The following ARHGAP40 variants were observed in gnomAD, a reference collection of about 807,000 sequenced individuals.
ARHGAP40 encodes Rho GTPase activating protein 40.
In ARHGAP40, 43 loss-of-function variants were observed where a neutral mutation model predicts 73.5. The ratio of observed to expected loss-of-function variants is 0.58; its 90% CI spans 0.46 to 0.75. The LOEUF is 0.75. Among genes scored for constraint, ARHGAP40 ranks in the 30% least tolerant of loss-of-function variants. ARHGAP40 has a pLI of 0.00. For missense variants in ARHGAP40, 734 were observed against 861.8 expected (o/e 0.85, Z 1.86); for synonymous variants, 300 against 352.8 (o/e 0.85, Z 1.68).
chr20:38,615,606 C>T (rs2088831965), intron 1 of ARHGAP40: 1 of 464,710 alleles, frequency 2.2e-6, no homozygotes, highest in Non-Finnish European at 3.9e-6. Flanking sequence ...CAATTTCTAT[C>T]CTTTATTGAT....
chr20:38,645,948 G>T (rs2089049373), intron 11 of ARHGAP40, 99 bp from the exon 12 acceptor site: 3 of 1,090,760 alleles, frequency 2.8e-6, no homozygotes, highest in African/African-American at 1.7e-5. Flanking sequence ...CCTGTGGGAC[G>T]CTGGGCCAGG....
intron 10 of ARHGAP40, 62 bp downstream of exon 10, chr20:38,641,870 T>C: frequency 8.8e-7 from 1 of 1,139,520 alleles, no homozygotes; most frequent in African/African-American, 1.7e-5. Flanking sequence ...AGCCATGGCT[T>C]CAAATGTGCT....
intron 11 of ARHGAP40, 98 bp downstream of exon 11, chr20:38,644,008 T>C: frequency 9.0e-7 from 1 of 1,112,258 alleles, no homozygotes; most frequent in Non-Finnish European, 1.2e-6. Flanking sequence ...TTCCCTAGTG[T>C]GTCCCTTCCA....
intron 1 of ARHGAP40, among the ~76,000 whole-genome samples, chr20:38,618,925 T>C (rs1323859248): frequency 6.6e-6 from 1 of 152,184 alleles, no homozygotes; most frequent in Non-Finnish European, 1.5e-5. Flanking sequence ...GGGAGGACTG[T>C]AAAAGAATTT....
intron 5 of ARHGAP40, among the ~76,000 whole-genome samples, chr20:38,630,163 C>A (rs2088929986): frequency 7.0e-6 from 1 of 142,328 alleles, no homozygotes; most frequent in Non-Finnish European, 1.5e-5. Context: ...CCCTCCCTCC[C>A]TTCCTTCCTT....
At chr20:38,609,828 A>T (rs939799246) in intron 1 of ARHGAP40, among the ~76,000 whole-genome samples, 7 of 152,232 alleles carry the variant, frequency 4.6e-5, no homozygotes, top group African/African-American at 1.7e-4. Context: ...CAGAGGAGAG[A>T]TGGGATTGCA....
chr20:38,628,656 T>C (rs746203439), intron 3 of ARHGAP40, among the ~76,000 whole-genome samples: 3 of 152,210 alleles, frequency 2.0e-5, no homozygotes, highest in African/African-American at 7.2e-5. Context: ...ACTTGAAGCC[T>C]GATAGGTTGT....
At position 38,642,608 on chromosome 20, in the gene ARHGAP40, T is replaced by TCCTC. The variant is rs368402526; in HGVS notation, c.1362+814_1362+817dup. ...TCCCTCCCTCTCTCCCTTCCTTTCT[T>TCCTC]CCTCCCTCCCTCCCTCCTTCCCTCC... On this transcript the variant is annotated intron_variant, in intron 10 of 14. Coordinates refer to ENST00000373345, the Ensembl canonical transcript of ARHGAP40. Among the ~76,000 whole-genome samples the TCCTC allele has an allele frequency of 8.1e-3, 1,223 of 151,412 alleles. 17 individuals carry two copies. Among genetic ancestry groups the TCCTC allele is most frequent in the African/African-American group, 0.027 (1,101 of 41,094 alleles).
chr20:38,607,757 T>C (rs1367147988), intron 1 of ARHGAP40, among the ~76,000 whole-genome samples: 2 of 152,220 alleles, frequency 1.3e-5, no homozygotes, highest in African/African-American at 2.4e-5. Context: ...TTGCCAGTAC[T>C]GAGTGTTGGC....
At chr20:38,614,820 T>C (rs577098916) in intron 1 of ARHGAP40, 2 of 735,318 alleles carry the variant, frequency 2.7e-6, no homozygotes, top group African/African-American at 1.8e-5. Context: ...TTTTCATGCA[T>C]TCAAAAGTGT....
In ARHGAP40 at chr20:38,643,743, C is replaced by T. The variant is rs1397707788; in HGVS notation, c.1402C>T (p.Gln468Ter). ...CCTCAGGAAGGTGGTGGCCCGGGAA[C>T]AGCACAACAAGATGACTCTGAGGAA... The change falls in exon 11 of 15, where the codon CAG becomes TAG. Residue 468 changes from glutamine to a stop codon, truncating the protein, a stop_gained. Transcript: ENST00000373345. LOFTEE classifies it high-confidence loss of function. 3 of 1,305,784 alleles carry T rather than the reference C, an allele frequency of 2.3e-6. No homozygotes were observed. The highest frequency in any genetic ancestry group is 1.5e-5 in the African/African-American group (1 of 65,858). 80.9% of individuals were successfully genotyped at this position (1,305,784 alleles called of 1,614,324 possible). A position where few individuals can be genotyped will look rare whatever the true frequency, so the allele number is the denominator to read the frequency against.
chr20:38,647,553 G>A (rs771442745), intron 13 of ARHGAP40, among the ~76,000 whole-genome samples: 3 of 146,136 alleles, frequency 2.1e-5, no homozygotes, highest in Non-Finnish European at 4.7e-5. Flanking sequence ...ACCATGCCTG[G>A]ATAATTTTTT....
chr20:38,637,171 A>G (rs2088980247), intron 6 of ARHGAP40, among the ~76,000 whole-genome samples: 1 of 151,442 alleles, frequency 6.6e-6, no homozygotes, highest in Admixed American at 6.6e-5. Flanking sequence ...GTGAGACAGA[A>G]CTTTGCTCTT....
At chr20:38,618,005 C>T (rs144090767) in intron 1 of ARHGAP40, among the ~76,000 whole-genome samples, 1 of 152,232 alleles carries the variant, frequency 6.6e-6, no homozygotes, top group Admixed American at 6.5e-5. Context: ...TAAGGTCCAG[C>T]CAGGTTTGGG....
At chr20:38,619,672 C>T (rs576797507) in intron 1 of ARHGAP40, among the ~76,000 whole-genome samples, 4 of 145,388 alleles carry the variant, frequency 2.8e-5, no homozygotes, top group East Asian at 4.0e-4. Flanking sequence ...AACCTGGGTT[C>T]GTATCCGGGC....
At position 38,644,007 on chromosome 20, in the gene ARHGAP40, G is replaced by A. The variant is rs1340850433; in HGVS notation, c.1569+97G>A. 3 of 1,119,186 alleles carry A rather than the reference G, an allele frequency of 2.7e-6. No homozygotes were observed. The African/African-American group carries it at 4.9e-5, about 18-fold the overall frequency. The allele number at this position is 1,119,186 out of a possible 1,614,324, so 69.3% of individuals were successfully genotyped here. On this transcript the variant is annotated intron_variant, in intron 11 of 14. Transcript: ENST00000373345. ...GGCATTGTCCTTTCAGTTCCCTAGT[G>A]TGTCCCTTCCAGGACCTTTGTTGGC... is the stretch of plus-strand genomic sequence containing the variant.
chr20:38,629,019 C>A lies in ARHGAP40; in HGVS notation c.634+17C>A. On this transcript the variant is annotated intron_variant, in intron 4 of 14. Coordinates refer to ENST00000373345, the Ensembl canonical transcript of ARHGAP40. ...TTCCTCCAGGTAAGTGGTCTTCATT[C>A]TCCAGGGCCCTGAGAATCCTCCAGG... The A allele has an allele frequency of 7.7e-7, 1 of 1,301,234 alleles. No individual in the cohort carries two copies. Among genetic ancestry groups the A allele is most frequent in the African/African-American group, 1.5e-5 (1 of 65,664 alleles). 80.6% of individuals were successfully genotyped at this position (1,301,234 alleles called of 1,614,324 possible). A position where few individuals can be genotyped will look rare whatever the true frequency, so the allele number is the denominator to read the frequency against.
chr20:38,634,888 T>C, intron 6 of ARHGAP40, 103 bp downstream of exon 6: 1 of 908,968 alleles, frequency 1.1e-6, no homozygotes, highest in Non-Finnish European at 1.4e-6. Flanking sequence ...CTTTCTTTCT[T>C]TTTTTTTTTT....
At chr20:38,649,789 T>C in exon 15 of ARHGAP40, 1 of 1,305,198 alleles carries the variant, frequency 7.7e-7, no homozygotes, top group South Asian at 1.2e-5. Flanking sequence ...TGCCTACCTC[T>C]TAGATCTGTA....
Sources: gnomAD v4.1 joint callset for allele counts (sites outside exome capture counted in the v4.1 genomes callset) on GRCh38, gnomAD v4.1.1 for gene constraint, MANE v1.5 for transcripts, NCBI Gene and HGNC (gene_info 2026-07-23, HGNC 2026-07-21) for gene names.